MS4A13: variants seen among roughly 807,000 people sequenced by gnomAD.
MS4A13 encodes membrane-spanning 4-domains subfamily A member 13.
In MS4A13, 21 loss-of-function variants were observed where a neutral mutation model predicts 18.4. The ratio of observed to expected loss-of-function variants is 1.14; its 90% CI spans 0.81 to 1.64. MS4A13 has a LOEUF of 1.64. MS4A13 is among the 40% of genes most tolerant of loss of function. The pLI is 0.00. For synonymous variants in MS4A13, 62 were observed against 57.2 expected, an observed-to-expected ratio of 1.08 and a Z score of -0.38; for missense variants, 173 against 176.8, an observed-to-expected ratio of 0.98 and a Z score of 0.12.
intron 6 of MS4A13, among the ~76,000 whole-genome samples, chr11:60,530,203 T>A (rs2086755246): frequency 6.6e-6 from 1 of 152,208 alleles, no homozygotes; most frequent in African/African-American, 2.4e-5. Context: ...TCATAGGCAC[T>A]AAGGATGCAA....
At chr11:60,520,398 C>A (rs1479399194) in intron 3 of MS4A13, among the ~76,000 whole-genome samples, 1 of 152,170 alleles carries the variant, frequency 6.6e-6, no homozygotes, top group African/African-American at 2.4e-5. Context: ...AGGCAAGGTC[C>A]TCTCCACCTA....
chr11:60,524,732 G>A lies in MS4A13; in HGVS notation c.187-475G>A, dbSNP rs189224943. On this transcript the variant is annotated intron_variant, in intron 4 of 6. Coordinates refer to ENST00000378186, the MANE Select transcript of MS4A13 (RefSeq NM_001012417.3). ...GGCTGGAGTGCAGTGGCACAATCTC[G>A]GCTCACTGCAAGCTCTGCCTCCTGG... is the stretch of plus-strand genomic sequence containing the variant. 1.8e-4 allele frequency among the ~76,000 whole-genome samples: 27 copies of A among 148,172 alleles called. No homozygotes were observed. The East Asian group carries it at 4.4e-3, about 24-fold the overall frequency.
chr11:60,515,790 G>T (rs2086633398), intron 1 of MS4A13, 179 bp from the exon 2 acceptor site: 1 of 152,174 alleles, frequency 6.6e-6, no homozygotes, highest in Admixed American at 6.5e-5. Flanking sequence ...CAGTTATGAA[G>T]GCTGTTATTC....
chr11:60,516,235 T>C (rs111831862), intron 2 of MS4A13, among the ~76,000 whole-genome samples, 151 bp downstream of exon 2: 1 of 152,122 alleles, frequency 6.6e-6, no homozygotes, highest in African/African-American at 2.4e-5. Context: ...CTACAAATTT[T>C]GACTGATCTC....
At chr11:60,532,453 G>A (rs901338250) in intron 6 of MS4A13, among the ~76,000 whole-genome samples, 3 of 152,304 alleles carry the variant, frequency 2.0e-5, no homozygotes, top group South Asian at 2.1e-4. Flanking sequence ...CGAATATTGC[G>A]CTTTTCAGAC....
intron 3 of MS4A13, among the ~76,000 whole-genome samples, chr11:60,523,683 C>A (rs566080449): frequency 6.6e-6 from 1 of 152,288 alleles, no homozygotes; most frequent in South Asian, 2.1e-4. Flanking sequence ...TGCCCACTGT[C>A]CCCTATGTGT....
intron 3 of MS4A13, among the ~76,000 whole-genome samples, chr11:60,522,939 A>C (rs934860792): frequency 6.6e-6 from 1 of 152,244 alleles, no homozygotes; most frequent in Non-Finnish European, 1.5e-5. Context: ...AACTAAATGT[A>C]ATTTAATACT....
intron 3 of MS4A13, 133 bp from the exon 4 acceptor site, chr11:60,523,764 C>T (rs960976568): frequency 2.3e-5 from 14 of 599,258 alleles, no homozygotes; most frequent in African/African-American, 2.2e-4. Context: ...CCTGACCCAT[C>T]TACTAAAACT....
intron 5 of MS4A13, among the ~76,000 whole-genome samples, chr11:60,527,885 T>G (rs985821511): frequency 1.3e-5 from 2 of 152,092 alleles, no homozygotes; most frequent in Non-Finnish European, 2.9e-5. Flanking sequence ...ATGGGTAAAA[T>G]GACTTTTCAC....
intron 3 of MS4A13, 56 bp downstream of exon 3, chr11:60,518,268 A>G (rs2086651177): frequency 1.4e-6 from 2 of 1,427,616 alleles, no homozygotes; most frequent in African/African-American, 1.4e-5. Context: ...ATTCATGCCA[A>G]TAGTAGAAGG....
chr11:60,529,461 G>A lies in MS4A13; in HGVS notation c.402+1G>A. On this transcript the variant is annotated splice_donor_variant, in intron 6 of 6. Transcript: ENST00000378186. LOFTEE classifies it high-confidence loss of function. ...CTCAATATACAGCTGTTCCAATTTG[G>A]TAAGTGTTTACCCACTCTCTGGCAA... 2 of 1,573,486 alleles carry A rather than the reference G, an allele frequency of 1.3e-6. No homozygotes were observed. Among genetic ancestry groups the A allele is most frequent in the Non-Finnish European group, 8.7e-7 (1 of 1,155,342 alleles).
chr11:60,532,183 T>A (rs1367451941), intron 6 of MS4A13, among the ~76,000 whole-genome samples: 3 of 152,154 alleles, frequency 2.0e-5, no homozygotes, highest in African/African-American at 7.2e-5. Context: ...GATGGCCGAA[T>A]AGGAACAGCT....
chr11:60,538,177 T>TTAAAAAAAAAAAAAAAAAA (rs60140970), intron 6 of MS4A13, among the ~76,000 whole-genome samples: 1 of 75,118 alleles, frequency 1.3e-5, no homozygotes, highest in African/African-American at 4.4e-5. Context: ...TAAAGTATAA[T>TTAAAAAAAAAAAAAAAAAA]AAAAAAAAAA....
At chr11:60,531,173 C>T (rs2086763703) in intron 6 of MS4A13, among the ~76,000 whole-genome samples, 1 of 152,082 alleles carries the variant, frequency 6.6e-6, no homozygotes, top group Admixed American at 6.6e-5. Context: ...TGGAACAGAG[C>T]TCAGAAAGTT....
intron 6 of MS4A13, among the ~76,000 whole-genome samples, chr11:60,539,045 G>A (rs2086835057): frequency 7.3e-6 from 1 of 136,592 alleles, no homozygotes; most frequent in South Asian, 2.5e-4. Context: ...TCTTAGAAGG[G>A]GATTCTTCTC....
chr11:60,531,605 C>A (rs1393095122), intron 6 of MS4A13, among the ~76,000 whole-genome samples: 5 of 152,174 alleles, frequency 3.3e-5, no homozygotes, highest in Non-Finnish European at 7.3e-5. Context: ...GCTTCTATAA[C>A]AAAGCACCAC....
chr11:60,524,039 A>G (rs534198395), intron 4 of MS4A13, 86 bp downstream of exon 4: 10 of 791,230 alleles, frequency 1.3e-5, no homozygotes, highest in Non-Finnish European at 2.1e-5. Context: ...ACGTCTAAAC[A>G]ATGAAGGAAT....
intron 6 of MS4A13, among the ~76,000 whole-genome samples, chr11:60,530,793 G>A (rs923028575): frequency 1.2e-4 from 18 of 152,154 alleles, no homozygotes; most frequent in Admixed American, 3.3e-4. Context: ...GATCATGGGG[G>A]CAGTTTTCCC....
At chr11:60,531,894 A>T (rs2086769899) in intron 6 of MS4A13, among the ~76,000 whole-genome samples, 1 of 152,204 alleles carries the variant, frequency 6.6e-6, no homozygotes, top group Non-Finnish European at 1.5e-5. Context: ...TCACATTCCA[A>T]GGTACTGGGA....
Sources: allele counts gnomAD v4.1 joint callset (sites outside exome capture counted in the v4.1 genomes callset), GRCh38; gene constraint gnomAD v4.1.1; transcripts MANE v1.5; gene names NCBI Gene and HGNC (gene_info 2026-07-23, HGNC 2026-07-21).